Variants in ASPG observed in about 807,000 individuals in gnomAD.
ASPG encodes the protein 60 kDa lysophospholipase.
A neutral mutation model predicts 63.2 loss-of-function variants in ASPG; 53 were observed. The observed-to-expected ratio is 0.84, with a 90% CI of 0.67 to 1.05. ASPG has a LOEUF of 1.05. Among genes scored for constraint, ASPG ranks in the 50% least tolerant of loss-of-function variants. The pLI is 0.00. For missense variants in ASPG, 741 were observed against 794.4 expected (o/e 0.93, Z 0.81); for synonymous variants, 370 against 355.0 (o/e 1.04, Z -0.48).
chr14:104,104,796 C>T (rs1361478901), intron 9 of ASPG, 61 bp downstream of exon 9: 3 of 1,401,748 alleles, frequency 2.1e-6, no homozygotes, highest in African/African-American at 2.9e-5. Context: ...AGTTGGCTCC[C>T]AGGGGCATGT....
rs1566842265 is a variant in ASPG, at chr14:104,109,487, T to C, written c.1520+172T>C. Among the ~76,000 whole-genome samples the C allele has an allele frequency of 6.6e-6, 1 of 152,106 alleles. No homozygotes were observed. ...GGCTGATGGGAAGAGGTGTCTACCCTGGACCATGTCATGGGGCAGGGGAAG... is the reference window on the plus strand; with the variant it reads ...GGCTGATGGGAAGAGGTGTCTACCCCGGACCATGTCATGGGGCAGGGGAAG... On this transcript the variant is annotated intron_variant, in intron 13 of 15. Transcript: ENST00000551177. The surrounding 1 kb of genome is among the most constrained non-coding windows in gnomAD (Gnocchi z 4.8).
Position 104,109,172 on chromosome 14 carries a change from G to A in ASPG, c.1434-57G>A. 1 of 1,594,480 alleles carries A rather than the reference G, an allele frequency of 6.3e-7. No individual in the cohort carries two copies. The highest frequency in any genetic ancestry group is 8.5e-7 in the Non-Finnish European group (1 of 1,171,370). ...ATGAGCTCTGCTGGCTCCTGAGTGA[G>A]GTGCAGCGGGGCTGGGCTGGCCAGG... On this transcript the variant is annotated intron_variant, in intron 12 of 15. Transcript: ENST00000551177. This position sits in a 1 kb window ranked among gnomAD's most constrained non-coding sequence, Gnocchi z 4.8.
At chr14:104,087,803 C>T (rs529988911) in intron 1 of ASPG, among the ~76,000 whole-genome samples, 38 of 152,362 alleles carry the variant, frequency 2.5e-4, no homozygotes, top group South Asian at 1.0e-3. Context: ...CCCCCGCGTG[C>T]TCGCCGCAGC....
At position 104,095,673 on chromosome 14, in the gene ASPG, G is replaced by A. The variant is rs763880628; in HGVS notation, c.429+17G>A. Reference sequence around the variant, plus strand: ...GGGGCCCAGGTAATCCCAGGGGCCCGGGGCTCCTAGGAACAGGGGCTTCCT... The same window carrying A: ...GGGGCCCAGGTAATCCCAGGGGCCCAGGGCTCCTAGGAACAGGGGCTTCCT... On this transcript the variant is annotated intron_variant, in intron 4 of 15. Coordinates refer to ENST00000551177, the MANE Select transcript of ASPG (RefSeq NM_001080464.3). The A allele has an allele frequency of 1.2e-5, 20 of 1,611,302 alleles. No homozygotes were observed. The highest frequency in any genetic ancestry group is 4.0e-5 in the African/African-American group (3 of 74,904).
chr14:104,112,445 CG>C, intron 15 of ASPG, 78 bp from the exon 16 acceptor site: 1 of 852,576 alleles, frequency 1.2e-6, no homozygotes, highest in South Asian at 1.4e-5. Flanking sequence ...GCCGTACAGA[CG>C]GGGTGCCTGG....
Position 104,087,922 on chromosome 14 carries a change from C to T in ASPG, c.82+2070C>T, listed in dbSNP as rs374524380. ...TGGAGGCTGGAAATTGGGTGTGGGG[C>T]GTCAGTCTTCAGACCTGAAGCAGCC... On this transcript the variant is annotated intron_variant, in intron 1 of 15. Coordinates refer to ENST00000551177, the MANE Select transcript of ASPG (RefSeq NM_001080464.3). 2.1e-4 allele frequency among the ~76,000 whole-genome samples: 32 copies of T among 152,292 alleles called. 1 individual carries two copies. The South Asian group carries it at 4.6e-3, about 22-fold the overall frequency.
chr14:104,109,999 C>T lies in ASPG; in HGVS notation c.1520+684C>T. 2 of 985,360 alleles carry T rather than the reference C, an allele frequency of 2.0e-6. No individual in the cohort carries two copies. Among genetic ancestry groups the T allele is most frequent in the Non-Finnish European group, 1.2e-6 (1 of 829,910 alleles). The allele number at this position is 985,360 out of a possible 1,614,324, so 61.0% of individuals were successfully genotyped here. ...GAGGTGGGCCAGGGATGCAGGGATC[C>T]TCCTCTGTCCGCCACAGCCAGAATC... On this transcript the variant is annotated intron_variant, in intron 13 of 15. Transcript: ENST00000551177. This position sits in a 1 kb window ranked among gnomAD's most constrained non-coding sequence, Gnocchi z 4.8.
intron 1 of ASPG, among the ~76,000 whole-genome samples, chr14:104,090,554 G>A (rs775839656): frequency 2.4e-4 from 37 of 152,238 alleles, no homozygotes; most frequent in Non-Finnish European, 3.2e-4. Context: ...GACGCTCTGC[G>A]GGAGGAGCCA....
intron 5 of ASPG, among the ~76,000 whole-genome samples, chr14:104,097,969 C>T (rs369995947): frequency 7.3e-5 from 9 of 123,666 alleles, no homozygotes; most frequent in Admixed American, 1.8e-4. Flanking sequence ...TATGGAGGTT[C>T]TGCGTTAGAG....
rs1596111642 is a variant in ASPG at position 104,109,398 on chromosome 14, C to A, written c.1520+83C>A. ...GCGAAGCCAGACCTGCTGGGAGGGA[C>A]AAGTGAGTCAGGGTGTGGGGGCTTT... On this transcript the variant is annotated intron_variant, in intron 13 of 15. Transcript: ENST00000551177. This position sits in a 1 kb window ranked among gnomAD's most constrained non-coding sequence, Gnocchi z 4.8. 2.8e-6 allele frequency: 4 copies of A among 1,435,888 alleles called. No individual in the cohort carries two copies. The East Asian group carries it at 9.9e-5, about 36-fold the overall frequency. The allele number at this position is 1,435,888 out of a possible 1,614,324, so 88.9% of individuals were successfully genotyped here. A position where few individuals can be genotyped will look rare whatever the true frequency, so the allele number is the denominator to read the frequency against.
At chr14:104,092,609 C>G (rs1212117931) in intron 1 of ASPG, 24 bp from the exon 2 acceptor site, 7 of 1,525,432 alleles carry the variant, frequency 4.6e-6, no homozygotes, top group Non-Finnish European at 4.4e-6. Context: ...CTGACCCCAG[C>G]ATCCACCTGG....
chr14:104,100,684 G>A (rs753212659), intron 6 of ASPG, among the ~76,000 whole-genome samples: 2 of 152,216 alleles, frequency 1.3e-5, no homozygotes, highest in Non-Finnish European at 2.9e-5. Context: ...GCAGCACACC[G>A]GGTCTCAGGG....
chr14:104,090,837 A>T (rs1229969061), intron 1 of ASPG, among the ~76,000 whole-genome samples: 2 of 152,142 alleles, frequency 1.3e-5, no homozygotes, highest in Non-Finnish European at 2.9e-5. Flanking sequence ...GGTACCGGGG[A>T]TTGGGATGTG....
intron 1 of ASPG, among the ~76,000 whole-genome samples, chr14:104,087,328 C>T (rs2036248071): frequency 6.6e-6 from 1 of 152,344 alleles, no homozygotes; most frequent in African/African-American, 2.4e-5. Context: ...GCTTGGCCCT[C>T]ACAAGCTAGA....
intron 1 of ASPG, among the ~76,000 whole-genome samples, chr14:104,089,794 A>G (rs1017006893): frequency 2.6e-5 from 4 of 151,904 alleles, no homozygotes; most frequent in African/African-American, 4.8e-5. Flanking sequence ...ACTAAAAATA[A>G]AAAATTAGCT....
At position 104,106,793 on chromosome 14, in the gene ASPG, ACCTAGGAGGCAGATG is replaced by A; in HGVS notation, c.1174-3_1185del. The stretch of plus-strand genomic sequence containing the variant: ...TGGGTCCCAGGGTGCCGCCTTCCCC[ACCTAGGAGGCAGATG>A]CCCTGCGGAATGCCCTGGTGCCCAG... On this transcript the variant is annotated splice_acceptor_variant and splice_polypyrimidine_tract_variant and coding_sequence_variant and intron_variant, in exon 11 of 16. Transcript: ENST00000551177. LOFTEE classifies it high-confidence loss of function. 6.3e-6 allele frequency: 10 copies of A among 1,588,134 alleles called. No individual in the cohort carries two copies. The highest frequency in any genetic ancestry group is 8.6e-6 in the Non-Finnish European group (10 of 1,168,642).
chr14:104,093,275 C>G (rs754328813), intron 2 of ASPG: 6 of 619,254 alleles, frequency 9.7e-6, no homozygotes. Flanking sequence ...TGGGAGTGGC[C>G]CATCCTGACC....
chr14:104,087,930 T>G (rs1334405682), intron 1 of ASPG, among the ~76,000 whole-genome samples: 1 of 152,156 alleles, frequency 6.6e-6, no homozygotes, highest in African/African-American at 2.4e-5. Context: ...GGCGTCAGTC[T>G]TCAGACCTGA....
In ASPG at chr14:104,104,324, T is replaced by G; in HGVS notation, c.774T>G (p.Pro258=). The change falls in exon 8 of 16, where the codon CCT becomes CCG. Residue 258 remains proline (P), a synonymous_variant. Transcript: ENST00000551177. ...PAALVRAFLQ[P]PLKGVVMETF... is the part of the protein sequence containing the mutation. ...CACAGGTTCGGGCCTTCTTGCAGCC[T>G]CCCCTGAAGGGCGTGGTCATGGAGA... 6.2e-7 allele frequency: 1 copy of G among 1,611,464 alleles called. No homozygotes were observed. The highest frequency in any genetic ancestry group is 8.5e-7 in the Non-Finnish European group (1 of 1,179,188).
Sources: gnomAD v4.1 joint callset for allele counts (sites outside exome capture counted in the v4.1 genomes callset) on GRCh38, gnomAD v4.1.1 for gene constraint, Gnocchi (gnomAD v3.1) non-coding constraint, MANE v1.5 for transcripts, NCBI Gene and HGNC (gene_info 2026-07-23, HGNC 2026-07-21) for gene names.